PTPRD: variants seen among roughly 807,000 people sequenced by gnomAD.
The protein encoded by PTPRD is receptor-type tyrosine-protein phosphatase delta.
Under a neutral mutation model 214.5 loss-of-function variants are expected in PTPRD, and 34 were observed. The ratio of observed to expected loss-of-function variants is 0.16; its 90% confidence interval spans 0.12 to 0.21. The LOEUF (loss-of-function observed/expected upper bound fraction) is 0.21. PTPRD is among the 10% of genes least tolerant of loss of function. The pLI, the probability that PTPRD is intolerant of heterozygous loss-of-function variation, is 1.00. For synonymous variants in PTPRD, 1,128 were observed against 845.7 expected, an observed-to-expected ratio of 1.33 and a Z score of -5.79; for missense variants, 2,545 against 2,398.7, an observed-to-expected ratio of 1.06 and a Z score of -1.27.
At chr9:10,019,170 G>T (rs909838366) in intron 4 of PTPRD, among the ~76,000 whole-genome samples, 2 of 152,116 alleles carry the variant, frequency 1.3e-5, no homozygotes, top group African/African-American at 4.8e-5. Flanking sequence ...AAAGACACAT[G>T]AAAAAATGCT....
At chr9:9,832,167 A>T (rs1345505989) in intron 5 of PTPRD, among the ~76,000 whole-genome samples, 2 of 152,016 alleles carry the variant, frequency 1.3e-5, no homozygotes, top group African/African-American at 4.8e-5. Flanking sequence ...TATTTTGAAG[A>T]CTATCAAGCT....
intron 14 of PTPRD, among the ~76,000 whole-genome samples, chr9:8,560,858 G>C (rs562535962): frequency 4.3e-4 from 66 of 151,804 alleles, no homozygotes; most frequent in Non-Finnish European, 7.9e-4. Context: ...TTATAGGCTG[G>C]ATTCAAACGA....
intron 9 of PTPRD, among the ~76,000 whole-genome samples, chr9:9,318,423 A>T (rs898825932): frequency 2.6e-5 from 4 of 152,106 alleles, no homozygotes; most frequent in Non-Finnish European, 5.9e-5. Context: ...TGAGATTCTA[A>T]AATTCCAAGA....
intron 10 of PTPRD, among the ~76,000 whole-genome samples, chr9:9,152,740 T>A (rs559286609): frequency 3.3e-5 from 5 of 152,168 alleles, no homozygotes; most frequent in Non-Finnish European, 5.9e-5. Flanking sequence ...CTTGGGCAAA[T>A]GGGCCAACAC....
At chr9:9,980,912 T>C (rs529375591) in intron 4 of PTPRD, among the ~76,000 whole-genome samples, 1 of 136,040 alleles carries the variant, frequency 7.4e-6, no homozygotes, top group African/African-American at 2.7e-5. Context: ...AAAGGCAAGC[T>C]ATTGAGAGAA....
chr9:10,064,746 C>T (rs1335162246), intron 3 of PTPRD, among the ~76,000 whole-genome samples: 3 of 151,944 alleles, frequency 2.0e-5, no homozygotes, highest in Non-Finnish European at 4.4e-5. Context: ...CACCCTAAAC[C>T]TCAGCATAAT....
At chr9:8,379,459 G>T (rs548556109) in intron 37 of PTPRD, among the ~76,000 whole-genome samples, 1 of 152,034 alleles carries the variant, frequency 6.6e-6, no homozygotes, top group East Asian at 1.9e-4. Context: ...CTCCTTTTTT[G>T]CCATATGCTA....
At chr9:10,266,760 A>T (rs1188759880) in intron 3 of PTPRD, among the ~76,000 whole-genome samples, 4 of 152,186 alleles carry the variant, frequency 2.6e-5, no homozygotes, top group African/African-American at 9.7e-5. Context: ...AAAAATCTAT[A>T]ACCTAGATAA....
chr9:9,879,493 T>C (rs978870443), intron 5 of PTPRD, among the ~76,000 whole-genome samples: 5 of 152,178 alleles, frequency 3.3e-5, no homozygotes, highest in South Asian at 2.1e-4. Context: ...TTTATCTTAT[T>C]TGGAAAATTA....
At chr9:9,887,733 G>T (rs115960995) in intron 5 of PTPRD, among the ~76,000 whole-genome samples, 2 of 152,108 alleles carry the variant, frequency 1.3e-5, no homozygotes, top group Non-Finnish European at 2.9e-5. Context: ...AAAAATTAGA[G>T]AAAGCTAAAT....
intron 12 of PTPRD, among the ~76,000 whole-genome samples, chr9:8,705,365 AC>A (rs1318592621): frequency 6.6e-6 from 1 of 152,146 alleles, no homozygotes; most frequent in Non-Finnish European, 1.5e-5. Context: ...GATTACAGGC[AC>A]CTGCTACCAC....
At chr9:8,566,858 G>A (rs1407786909) in intron 14 of PTPRD, among the ~76,000 whole-genome samples, 3 of 152,124 alleles carry the variant, frequency 2.0e-5, no homozygotes, top group African/African-American at 7.2e-5. Context: ...TTCTCAAAAA[G>A]TCTCCAGCCT....
intron 11 of PTPRD, among the ~76,000 whole-genome samples, chr9:8,885,646 G>T (rs556706918): frequency 2.6e-5 from 4 of 151,754 alleles, no homozygotes; most frequent in Non-Finnish European, 5.9e-5. Flanking sequence ...ATGGGTGCCT[G>T]CCACCACACC....
chr9:10,375,617 A>C (rs2097712718), intron 2 of PTPRD, among the ~76,000 whole-genome samples: 1 of 152,054 alleles, frequency 6.6e-6, no homozygotes. Flanking sequence ...TAATTTAAAA[A>C]CTGGCACATT....
At chr9:10,305,939 T>C (rs2096052754) in intron 3 of PTPRD, among the ~76,000 whole-genome samples, 1 of 152,110 alleles carries the variant, frequency 6.6e-6, no homozygotes, top group Admixed American at 6.6e-5. Flanking sequence ...CCCAAAGGAT[T>C]ATAAATTATT....
At chr9:10,025,961 G>A (rs185317182) in intron 4 of PTPRD, among the ~76,000 whole-genome samples, 6 of 152,316 alleles carry the variant, frequency 3.9e-5, no homozygotes, top group African/African-American at 1.2e-4. Flanking sequence ...TCAAGAAAGA[G>A]AAACTAGAGA....
At chr9:8,404,772 C>A (rs1161568363) in intron 35 of PTPRD, 112 bp from the exon 36 acceptor site, 6 of 1,316,734 alleles carry the variant, frequency 4.6e-6, no homozygotes, top group East Asian at 5.1e-5. Context: ...TGAAGCCATA[C>A]TTCATCAAGA....
intron 14 of PTPRD, among the ~76,000 whole-genome samples, chr9:8,529,153 G>A (rs957217337): frequency 2.0e-5 from 3 of 152,064 alleles, no homozygotes; most frequent in African/African-American, 7.2e-5. Flanking sequence ...CACAAAAAGG[G>A]GAGAAGGAGA....
At chr9:9,746,626 CAT>C (rs1216319760) in intron 6 of PTPRD, among the ~76,000 whole-genome samples, 2 of 151,960 alleles carry the variant, frequency 1.3e-5, no homozygotes, top group Non-Finnish European at 2.9e-5. Flanking sequence ...GTTGCTTAGC[CAT>C]TAGGGATTCT....
Sources: allele counts gnomAD v4.1 joint callset (sites outside exome capture counted in the v4.1 genomes callset), GRCh38; gene constraint gnomAD v4.1.1; transcripts MANE v1.5; gene names NCBI Gene and HGNC (gene_info 2026-07-23, HGNC 2026-07-21).